Variants in CCDC33 observed in about 807,000 individuals in gnomAD.
CCDC33 encodes coiled-coil domain containing 33.
CCDC33 carries 94 observed loss-of-function variants against 91.9 expected under a neutral mutation model. The observed-to-expected ratio is 1.02, with a 90% CI of 0.87 to 1.21. The LOEUF (loss-of-function observed/expected upper bound fraction) is 1.21, where lower values mean the gene tolerates loss of function less well. Among genes scored for constraint, CCDC33 ranks in the 50% most tolerant of loss-of-function variants. CCDC33 has a pLI of 0.00. For missense variants in CCDC33, 940 were observed against 935.5 expected (o/e 1.00, Z -0.06); for synonymous variants, 396 against 374.5 (o/e 1.06, Z -0.66).
intron 11 of CCDC33, among the ~76,000 whole-genome samples, chr15:74,311,255 G>T (rs538000645): frequency 6.6e-6 from 1 of 152,176 alleles, no homozygotes; most frequent in African/African-American, 2.4e-5. Context: ...CCCCCAGGGA[G>T]AGATGTGGCA....
chr15:74,276,597 G>A (rs1169567307), intron 7 of CCDC33, among the ~76,000 whole-genome samples: 5 of 152,158 alleles, frequency 3.3e-5, no homozygotes, highest in African/African-American at 1.2e-4. Flanking sequence ...GGCATCCCCT[G>A]CCTAGCCCTT....
intron 2 of CCDC33, among the ~76,000 whole-genome samples, chr15:74,210,612 T>G (rs1171789381): frequency 6.6e-6 from 1 of 152,234 alleles, no homozygotes; most frequent in East Asian, 1.9e-4. Flanking sequence ...TTGTTTGAAA[T>G]GCATATTTTA....
intron 5 of CCDC33, among the ~76,000 whole-genome samples, chr15:74,270,691 G>A (rs1292400724): frequency 5.3e-5 from 8 of 152,098 alleles, no homozygotes; most frequent in Admixed American, 4.6e-4. Context: ...GTCAGGGTCC[G>A]GGAGATCAGG....
At chr15:74,281,380 C>T (rs2059360053) in intron 9 of CCDC33, among the ~76,000 whole-genome samples, 1 of 152,206 alleles carries the variant, frequency 6.6e-6, no homozygotes, top group Non-Finnish European at 1.5e-5. Context: ...GCACTTTTTT[C>T]ATAGGGTTGC....
rs1567027359 is a variant in CCDC33, at chr15:74,316,442, G to T, written c.1291-13747G>T. Among the ~76,000 whole-genome samples the T allele has an allele frequency of 6.6e-6, 1 of 152,220 alleles. No individual in the cohort carries two copies. The highest frequency in any genetic ancestry group is 2.1e-4 in the South Asian group (1 of 4,838). ...GCTTTTGATGAAAAATTCATGGCAC[G>T]CCCGAGGATGGGAGCAGACTCAATC... On this transcript the variant is annotated intron_variant, in intron 11 of 18. Coordinates refer to ENST00000398814, the MANE Select transcript of CCDC33 (RefSeq NM_025055.5). The surrounding 1 kb of genome is among the most constrained non-coding windows in gnomAD (Gnocchi z 4.7).
intron 7 of CCDC33, among the ~76,000 whole-genome samples, chr15:74,279,118 CAT>C (rs1278251889): frequency 5.3e-5 from 8 of 152,226 alleles, no homozygotes; most frequent in African/African-American, 7.2e-5. Context: ...CTAAAATACA[CAT>C]GTCCTATAAC....
In CCDC33 at chr15:74,295,735, C is replaced by G; in HGVS notation, c.1096-19C>G. 1.9e-6 allele frequency: 3 copies of G among 1,602,602 alleles called. No homozygotes were observed. Among genetic ancestry groups the G allele is most frequent in the Admixed American group, 1.7e-5 (1 of 58,768 alleles). On this transcript the variant is annotated intron_variant, in intron 10 of 18. Transcript: ENST00000398814. ...AGAAGGGGCCTGTCCTGAAGTTTCT[C>G]TGCACCTTCTCTTCTCAGAGACCAG...
At chr15:74,224,766 G>A (rs185188902) in intron 2 of CCDC33, among the ~76,000 whole-genome samples, 144 of 152,350 alleles carry the variant, frequency 9.5e-4, no homozygotes, top group Non-Finnish European at 1.5e-3. Context: ...TTGCCCTGCA[G>A]TAAGTGGTTA....
chr15:74,257,668 C>T (rs75122278), intron 2 of CCDC33, among the ~76,000 whole-genome samples: 1 of 152,238 alleles, frequency 6.6e-6, no homozygotes, highest in South Asian at 2.1e-4. Context: ...AACAGCCCCC[C>T]TCAAGCCTCA....
chr15:74,287,931 G>A (rs1021492963), intron 10 of CCDC33, among the ~76,000 whole-genome samples: 4 of 152,164 alleles, frequency 2.6e-5, no homozygotes, highest in Admixed American at 1.3e-4. Context: ...CTCCTCCTGC[G>A]CTGCCATGAC....
chr15:74,315,740 A>G (rs2060077136), intron 11 of CCDC33, among the ~76,000 whole-genome samples: 1 of 152,250 alleles, frequency 6.6e-6, no homozygotes, highest in South Asian at 2.1e-4. Context: ...GCAAAGGCAC[A>G]GAGGCCGGAT....
intron 2 of CCDC33, among the ~76,000 whole-genome samples, chr15:74,227,247 T>C (rs1368544040): frequency 6.6e-6 from 1 of 152,202 alleles, no homozygotes; most frequent in African/African-American, 2.4e-5. Flanking sequence ...CCATATATTT[T>C]GGTCTTTCTG....
chr15:74,313,724 T>C (rs2060037558), intron 11 of CCDC33, among the ~76,000 whole-genome samples: 1 of 152,174 alleles, frequency 6.6e-6, no homozygotes, highest in African/African-American at 2.4e-5. Context: ...GCCACAGAAG[T>C]GCTAGGCAAC....
At chr15:74,232,781 A>G (rs762988783), upstream of CCDC33, among the ~76,000 whole-genome samples, 4 of 152,216 alleles carry the variant, frequency 2.6e-5, no homozygotes, top group Non-Finnish European at 4.4e-5. Context: ...TAACGCGGAC[A>G]GTGAAGTCCC....
At chr15:74,261,927 A>T (rs966449650) in intron 2 of CCDC33, among the ~76,000 whole-genome samples, 5 of 152,222 alleles carry the variant, frequency 3.3e-5, no homozygotes, top group Non-Finnish European at 7.3e-5. Flanking sequence ...TGCGTGCTTC[A>T]TTGCAAGCAT....
intron 3 of CCDC33, among the ~76,000 whole-genome samples, chr15:74,263,603 G>C (rs779225161): frequency 3.3e-5 from 5 of 152,220 alleles, no homozygotes; most frequent in African/African-American, 4.8e-5. Flanking sequence ...GGAGCTGTTG[G>C]GATGCTTTAA....
At position 74,244,137 on chromosome 15, in the gene CCDC33, C is replaced by G; in HGVS notation, c.174C>G (p.Pro58=). 1 of 1,611,988 alleles carries G rather than the reference C, an allele frequency of 6.2e-7. No homozygotes were observed. The highest frequency in any genetic ancestry group is 1.1e-5 in the South Asian group (1 of 90,884). ...PACKDGSEPW[P]YVVVKSTSEE... is the part of the protein sequence containing the mutation. ...GCAAGGATGGCTCCGAGCCGTGGCC[C>G]TATGTGGTGGTGTAAGTAGCTGCGT... Residue 58 remains proline, a synonymous_variant, in exon 2 of 19, where the codon CCC becomes CCG. Coordinates refer to ENST00000398814, the MANE Select transcript of CCDC33 (RefSeq NM_025055.5). The surrounding 1 kb of genome is among the most constrained non-coding windows in gnomAD (Gnocchi z 4.2).
intron 2 of CCDC33, among the ~76,000 whole-genome samples, chr15:74,230,747 C>G (rs2074945244): frequency 6.6e-6 from 1 of 152,144 alleles, no homozygotes; most frequent in South Asian, 2.1e-4. Flanking sequence ...GGCTGCCTAC[C>G]ATGTGAAGGC....
At chr15:74,295,633 A>T in intron 10 of CCDC33, 121 bp from the exon 11 acceptor site, 2 of 792,422 alleles carry the variant, frequency 2.5e-6, no homozygotes. Context: ...TGCACGGGCC[A>T]GCCATGCAGG....
Sources: gnomAD v4.1 joint callset for allele counts (sites outside exome capture counted in the v4.1 genomes callset) on GRCh38, gnomAD v4.1.1 for gene constraint, Gnocchi (gnomAD v3.1) non-coding constraint, MANE v1.5 for transcripts, NCBI Gene and HGNC (gene_info 2026-07-23, HGNC 2026-07-21) for gene names.